Variants in BRSK2 observed in about 807,000 individuals in gnomAD.
The protein encoded by BRSK2 is serine/threonine-protein kinase BRSK2.
Under a neutral mutation model 83.3 loss-of-function variants are expected in BRSK2, and 19 were observed. The ratio of observed to expected loss-of-function variants is 0.23; its 90% CI spans 0.16 to 0.33. BRSK2 has a LOEUF of 0.33. BRSK2 is among the 10% of genes least tolerant of loss of function. BRSK2 has a pLI of 1.00. For synonymous variants in BRSK2, 519 were observed against 435.4 expected (o/e 1.19, Z -2.39); for missense variants, 798 against 1,042.3 (o/e 0.77, Z 3.23).
intron 1 of BRSK2, among the ~76,000 whole-genome samples, chr11:1,427,047 CA>C (rs1322512348): frequency 6.6e-6 from 1 of 152,150 alleles, no homozygotes; most frequent in Non-Finnish European, 1.5e-5. Context: ...CCACCTGCCC[CA>C]GGGCCCCCTA....
At chr11:1,420,755 C>T (rs1848563844) in intron 1 of BRSK2, among the ~76,000 whole-genome samples, 1 of 152,252 alleles carries the variant, frequency 6.6e-6, no homozygotes, top group Non-Finnish European at 1.5e-5. Flanking sequence ...TTGTGGCCTG[C>T]CTGGGGGACT....
intron 1 of BRSK2, chr11:1,411,026 T>G (rs1202479466): frequency 7.8e-6 from 8 of 1,031,530 alleles, no homozygotes; most frequent in East Asian, 7.1e-5. Context: ...CGTCTGCCTT[T>G]TCTGCTCCCA....
chr11:1,459,492 G>T (rs1847129735), intron 19 of BRSK2: 2 of 531,246 alleles, frequency 3.8e-6, no homozygotes, highest in Non-Finnish European at 6.8e-6. Context: ...GCAGGCCCAA[G>T]AAGGGGCTCC....
At position 1,447,875 on chromosome 11, in the gene BRSK2, G is replaced by T. The variant is rs752442641; in HGVS notation, c.1227-1901G>T. ...AGCAAAGAAGACAGGTATACACCCC[G>T]ACCACCCGTCCCCGCACCTCCCAGC... On this transcript the variant is annotated intron_variant, in intron 12 of 19. Coordinates refer to ENST00000528841, the MANE Select transcript of BRSK2 (RefSeq NM_001256627.2). 1.1e-5 allele frequency: 17 copies of T among 1,591,870 alleles called. No individual in the cohort carries two copies. In the Admixed American group the frequency reaches 1.7e-4, roughly 16 times the overall value.
At chr11:1,435,990 C>T (rs1488688913) in intron 1 of BRSK2, 50 bp from the exon 2 acceptor site, 18 of 1,441,748 alleles carry the variant, frequency 1.2e-5, no homozygotes, top group Admixed American at 3.7e-5. Context: ...GCTGGGTGCT[C>T]GCTGCAGGCA....
Position 1,445,021 on chromosome 11 carries a change from C to T in BRSK2, c.812+19C>T, listed in dbSNP as rs1225691079. On this transcript the variant is annotated intron_variant, in intron 9 of 19. Coordinates refer to ENST00000528841, the MANE Select transcript of BRSK2 (RefSeq NM_001256627.2). The stretch of plus-strand genomic sequence containing the variant: ...GGTATATGTAAGTAGCTTTTCCACC[C>T]ACTAATCGCCTGCTTTGCCTGTTGC... 8 of 1,610,238 alleles carry T rather than the reference C, an allele frequency of 5.0e-6. No individual in the cohort carries two copies. The highest frequency in any genetic ancestry group is 4.4e-5 in the South Asian group (4 of 91,008).
intron 1 of BRSK2, among the ~76,000 whole-genome samples, chr11:1,416,927 A>C (rs1423586990): frequency 6.6e-6 from 1 of 152,082 alleles, no homozygotes; most frequent in Admixed American, 6.6e-5. Flanking sequence ...TTGGGAGGTC[A>C]AGGAGGGCGG....
At position 1,460,738 on chromosome 11, in the gene BRSK2, C is replaced by CCA. The variant is rs769515547; in HGVS notation, c.*16_*17insAC. The stretch of plus-strand genomic sequence containing the variant: ...AGCAGCCTTAGACACACTAGCCCCC[C>CCA]CCCCCAGCACAGCACTGACAGCGGC... On this transcript the variant is annotated 3_prime_UTR_variant, in exon 20 of 20. Coordinates refer to ENST00000528841, the MANE Select transcript of BRSK2 (RefSeq NM_001256627.2). 1,665 of 1,408,144 alleles carry CCA rather than the reference C, an allele frequency of 1.2e-3. 24 individuals carry two copies. The highest frequency in any genetic ancestry group is 0.011 in the South Asian group (731 of 69,186). The allele number at this position is 1,408,144 out of a possible 1,614,324, so 87.2% of individuals were successfully genotyped here.
At position 1,421,711 on chromosome 11, in the gene BRSK2, C is replaced by T. The variant is rs372084146; in HGVS notation, c.92-14329C>T. ...CCAGCTCCTGTGTCGGGGCTGTTACCGTGGGTGTGCAGGGTGGGGGTGCAT... is the reference window on the plus strand; with the variant it reads ...CCAGCTCCTGTGTCGGGGCTGTTACTGTGGGTGTGCAGGGTGGGGGTGCAT... On this transcript the variant is annotated intron_variant, in intron 1 of 19. Coordinates refer to ENST00000528841, the MANE Select transcript of BRSK2 (RefSeq NM_001256627.2). Among the ~76,000 whole-genome samples the T allele has an allele frequency of 8.1e-4, 124 of 152,252 alleles. 1 individual carries two copies. Among genetic ancestry groups the T allele is most frequent in the Admixed American group, 7.1e-3 (108 of 15,306 alleles).
At chr11:1,409,844 A>G (rs1448764871) in intron 1 of BRSK2, 1 of 152,038 alleles carries the variant, frequency 6.6e-6, no homozygotes, top group East Asian at 1.9e-4. Context: ...AGCAGAGGGA[A>G]GAGCCCTGCG....
intron 6 of BRSK2, 41 bp from the exon 7 acceptor site, chr11:1,443,294 T>G (rs1226238057): frequency 1.3e-6 from 2 of 1,575,148 alleles, no homozygotes; most frequent in Non-Finnish European, 1.7e-6. Context: ...GCCCCCGCCC[T>G]GCCCTGCGCC....
At chr11:1,424,191 G>A (rs1004652984) in intron 1 of BRSK2, among the ~76,000 whole-genome samples, 1 of 152,182 alleles carries the variant, frequency 6.6e-6, no homozygotes, top group Non-Finnish European at 1.5e-5. Flanking sequence ...GTGGCCTCCG[G>A]AACTGCTCCG....
At chr11:1,446,111 G>GGAGCT (rs1852055007) in intron 12 of BRSK2, among the ~76,000 whole-genome samples, 1 of 137,336 alleles carries the variant, frequency 7.3e-6, no homozygotes, top group Admixed American at 6.9e-5. Context: ...GGCTGGGCTG[G>GGAGCT]GAGCTGAGCT....
Position 1,454,904 on chromosome 11 carries a change from G to A in BRSK2, c.1668+296G>A, listed in dbSNP as rs745651904. 7.9e-4 allele frequency among the ~76,000 whole-genome samples: 121 copies of A among 152,286 alleles called. 1 individual carries two copies. Among genetic ancestry groups the A allele is most frequent in the Non-Finnish European group, 1.4e-3 (92 of 68,008 alleles). Reference sequence around the variant, plus strand: ...CCGGACAGGCCTGGGCAGCTGGCACGTGGGGCAGAAGGAAGGCTCCAGCTG... The same window carrying A: ...CCGGACAGGCCTGGGCAGCTGGCACATGGGGCAGAAGGAAGGCTCCAGCTG... On this transcript the variant is annotated intron_variant, in intron 16 of 19. Coordinates refer to ENST00000528841, the MANE Select transcript of BRSK2 (RefSeq NM_001256627.2). This position sits in a 1 kb window ranked among gnomAD's most constrained non-coding sequence, Gnocchi z 5.2.
chr11:1,402,339 C>G (rs1056855815), intron 1 of BRSK2, among the ~76,000 whole-genome samples: 7 of 152,188 alleles, frequency 4.6e-5, no homozygotes, highest in African/African-American at 1.7e-4. Context: ...GCTCATGTGG[C>G]CTAAGGGTAG....
rs1457501987 is a variant in BRSK2 at position 1,461,535 on chromosome 11, A to G, written c.*812A>G. On this transcript the variant is annotated 3_prime_UTR_variant, in exon 20 of 20. Coordinates refer to ENST00000528841, the MANE Select transcript of BRSK2 (RefSeq NM_001256627.2). ...CAGGCCAGGCCGCTGGGCTGGGATC[A>G]GTGTTATTTATTTGCCGTTTTAATT... 1 of 171,064 alleles carries G rather than the reference A, an allele frequency of 5.8e-6. No individual in the cohort carries two copies. The highest frequency in any genetic ancestry group is 1.2e-5 in the Non-Finnish European group (1 of 82,000). 10.6% of individuals were successfully genotyped at this position (171,064 alleles called of 1,614,324 possible). A position where few individuals can be genotyped will look rare whatever the true frequency, so the allele number is the denominator to read the frequency against.
chr11:1,450,843 G>T (rs766555332), intron 14 of BRSK2, 49 bp downstream of exon 14: 76 of 1,518,328 alleles, frequency 5.0e-5, no homozygotes, highest in Non-Finnish European at 6.6e-5. Context: ...GAGAGCAGAG[G>T]CTGCCTTGGG....
At chr11:1,422,274 G>C (rs897846557) in intron 1 of BRSK2, among the ~76,000 whole-genome samples, 1 of 152,160 alleles carries the variant, frequency 6.6e-6, no homozygotes, top group Non-Finnish European at 1.5e-5. Context: ...TGAGCTGTTT[G>C]GTACCCTGTG....
chr11:1,399,367 C>T (rs1027216970), intron 1 of BRSK2, among the ~76,000 whole-genome samples: 4 of 152,166 alleles, frequency 2.6e-5, no homozygotes, highest in African/African-American at 7.2e-5. Flanking sequence ...CTGGGGCCAG[C>T]GTCAGCCTCA....
Sources: gnomAD v4.1 joint callset for allele counts (sites outside exome capture counted in the v4.1 genomes callset) on GRCh38, gnomAD v4.1.1 for gene constraint, Gnocchi (gnomAD v3.1) non-coding constraint, MANE v1.5 for transcripts, NCBI Gene and HGNC (gene_info 2026-07-23, HGNC 2026-07-21) for gene names.